Variants in LARGE1 observed in about 807,000 individuals in gnomAD.
LARGE1 encodes the protein LARGE xylosyl- and glucuronyltransferase 1, also known as xylosyl- and glucuronyltransferase LARGE1.
LARGE1 carries 43 observed loss-of-function variants against 87.6 expected under a neutral mutation model. The ratio of observed to expected loss-of-function variants is 0.49; its 90% CI spans 0.38 to 0.63. The LOEUF is 0.63. Among genes scored for constraint, LARGE1 ranks in the 30% least tolerant of loss-of-function variants. The pLI is 0.00. For missense variants in LARGE1, 802 were observed against 1,000.2 expected, an observed-to-expected ratio of 0.80 and a Z score of 2.67; for synonymous variants, 434 against 394.6, an observed-to-expected ratio of 1.10 and a Z score of -1.18.
intron 2 of LARGE1, among the ~76,000 whole-genome samples, chr22:33,719,988 G>T (rs766025904): frequency 6.6e-6 from 1 of 152,266 alleles, no homozygotes; most frequent in East Asian, 1.9e-4. Flanking sequence ...ACCAGGTACC[G>T]GTTTTGTGGA....
intron 11 of LARGE1, among the ~76,000 whole-genome samples, chr22:33,174,318 A>G (rs1922742386): frequency 6.6e-6 from 1 of 151,892 alleles, no homozygotes; most frequent in Non-Finnish European, 1.5e-5. Flanking sequence ...AACATACCAG[A>G]ATCTCTGAGA....
intron 11 of LARGE1, among the ~76,000 whole-genome samples, chr22:33,307,393 T>C: frequency 6.6e-6 from 1 of 152,200 alleles, no homozygotes; most frequent in Non-Finnish European, 1.5e-5. Flanking sequence ...GGATTGGGGT[T>C]AGGCTGAGAA....
chr22:33,425,551 T>G (rs1395373194), intron 7 of LARGE1, among the ~76,000 whole-genome samples: 3 of 152,154 alleles, frequency 2.0e-5, no homozygotes, highest in Non-Finnish European at 1.5e-5. Flanking sequence ...CAAAAGAAAG[T>G]AGGGAGTAGA....
intron 10 of LARGE1, among the ~76,000 whole-genome samples, chr22:33,330,025 C>A (rs1937553983): frequency 6.6e-6 from 1 of 151,674 alleles, no homozygotes; most frequent in Non-Finnish European, 1.5e-5. Context: ...AAAAACCCAA[C>A]AAAACCTAGA....
At chr22:33,298,015 G>C (rs148188780) in intron 12 of LARGE1, among the ~76,000 whole-genome samples, 1 of 150,172 alleles carries the variant, frequency 6.7e-6, no homozygotes, top group East Asian at 1.9e-4. Context: ...TGATGATTCT[G>C]CAGGGTCAGT....
At chr22:33,731,958 A>G (rs1186972021) in intron 2 of LARGE1, among the ~76,000 whole-genome samples, 1 of 152,208 alleles carries the variant, frequency 6.6e-6, no homozygotes, top group Admixed American at 6.5e-5. Flanking sequence ...TTCAGACCAT[A>G]TTTCGCTACA....
intron 6 of LARGE1, among the ~76,000 whole-genome samples, chr22:33,501,322 GA>G (rs1295936397): frequency 6.6e-6 from 1 of 152,220 alleles, no homozygotes; most frequent in Non-Finnish European, 1.5e-5. Context: ...ACAGGAGCAG[GA>G]AACAGAAGAC....
At chr22:33,801,812 G>A (rs981208188) in intron 1 of LARGE1, among the ~76,000 whole-genome samples, 7 of 152,002 alleles carry the variant, frequency 4.6e-5, no homozygotes, top group East Asian at 1.9e-4. Context: ...GATACCCCCC[G>A]CTTCCCCAGT....
In LARGE1 at chr22:33,608,336, T is replaced by C. The variant is rs28671148; in HGVS notation, c.492-3778A>G. 1.3e-5 allele frequency among the ~76,000 whole-genome samples: 2 copies of C among 152,166 alleles called. 1 individual carries two copies. The highest frequency in any genetic ancestry group is 2.9e-5 in the Non-Finnish European group (2 of 68,016). On this transcript the variant is annotated intron_variant, in intron 4 of 14. Coordinates refer to ENST00000397394, the MANE Select transcript of LARGE1 (RefSeq NM_133642.5). Reference sequence around the variant, plus strand: ...CTTTGCTTGTGCTGTTCCCTCTCCATGGAATGCCCTTCCCTGCTTGGAAGC... The same window carrying C: ...CTTTGCTTGTGCTGTTCCCTCTCCACGGAATGCCCTTCCCTGCTTGGAAGC...
At chr22:33,212,980 T>C (rs1163620365) in intron 11 of LARGE1, among the ~76,000 whole-genome samples, 2 of 150,908 alleles carry the variant, frequency 1.3e-5, no homozygotes, top group Non-Finnish European at 2.9e-5. Flanking sequence ...ATCGTGCCAT[T>C]GCACTCCAGC....
chr22:33,104,069 T>C, the LARGE1 span, among the ~76,000 whole-genome samples: 2 of 152,078 alleles, frequency 1.3e-5, no homozygotes, highest in Non-Finnish European at 2.9e-5. Flanking sequence ...ATCAGCAGAG[T>C]GAAAACAGAC....
chr22:33,799,973 GGAA>G (rs1335885317), intron 1 of LARGE1, among the ~76,000 whole-genome samples: 14 of 152,144 alleles, frequency 9.2e-5, no homozygotes, highest in Non-Finnish European at 1.5e-4. Context: ...CAGGAAATAG[GGAA>G]GAAGAAGATC....
intron 11 of LARGE1, among the ~76,000 whole-genome samples, chr22:33,180,679 G>A (rs555862630): frequency 1.8e-4 from 28 of 152,294 alleles, no homozygotes; most frequent in Middle Eastern, 6.8e-3. Flanking sequence ...CTAAATATCC[G>A]TTAACTGATG....
chr22:33,903,960 C>T (rs2065360453), intron 1 of LARGE1, among the ~76,000 whole-genome samples: 1 of 152,132 alleles, frequency 6.6e-6, no homozygotes, highest in South Asian at 2.1e-4. Flanking sequence ...AGGGGAAGTA[C>T]ACACAGGACA....
intron 11 of LARGE1, among the ~76,000 whole-genome samples, chr22:33,236,798 AG>A (rs1273351249): frequency 6.6e-6 from 1 of 152,194 alleles, no homozygotes; most frequent in African/African-American, 2.4e-5. Context: ...GGAATTGAGT[AG>A]ATGTGGCAGC....
intron 1 of LARGE1, among the ~76,000 whole-genome samples, chr22:33,858,316 G>T (rs190824918): frequency 6.6e-6 from 1 of 152,176 alleles, no homozygotes; most frequent in African/African-American, 2.4e-5. Context: ...GACAGCAAGC[G>T]AAAGCTCAGC....
chr22:33,893,574 C>T (rs1010090873), intron 1 of LARGE1, among the ~76,000 whole-genome samples: 4 of 152,208 alleles, frequency 2.6e-5, no homozygotes, highest in African/African-American at 9.6e-5. Flanking sequence ...CGGAGAGCCA[C>T]AATTTTAAAT....
At chr22:33,686,413 C>T (rs1353984580) in intron 2 of LARGE1, among the ~76,000 whole-genome samples, 2 of 151,738 alleles carry the variant, frequency 1.3e-5, no homozygotes, top group Admixed American at 6.6e-5. Flanking sequence ...CGTGGTGGTG[C>T]GTGCCTGTAA....
rs79092720 is a variant in LARGE1 at position 33,537,590 on chromosome 22, C to T, written c.787+27258G>A. Among the ~76,000 whole-genome samples, 476 of 152,110 alleles carry T rather than the reference C, an allele frequency of 3.1e-3. 5 individuals carry two copies. Among genetic ancestry groups the T allele is most frequent in the South Asian group, 0.02 (94 of 4,808 alleles). ...TATTTGTTTATTTGTTTTTTTAAGA[C>T]GGAGGCTTGTCTGTCACCCAGGCTG... On this transcript the variant is annotated intron_variant, in intron 6 of 14. Coordinates refer to ENST00000397394, the MANE Select transcript of LARGE1 (RefSeq NM_133642.5).
Sources: allele counts gnomAD v4.1 joint callset (sites outside exome capture counted in the v4.1 genomes callset), GRCh38; gene constraint gnomAD v4.1.1; transcripts MANE v1.5; gene names NCBI Gene and HGNC (gene_info 2026-07-23, HGNC 2026-07-21).